Variants in IRF2 observed in about 807,000 individuals in gnomAD.
IRF2 encodes the protein interferon regulatory factor 2.
A neutral mutation model predicts 40.6 loss-of-function variants in IRF2; 15 were observed. That is an observed-to-expected ratio of 0.37 (90% confidence interval 0.25 to 0.57). The LOEUF (loss-of-function observed/expected upper bound fraction) is 0.57. Among genes scored for constraint, IRF2 ranks in the 20% least tolerant of loss-of-function variants. The pLI, the probability that IRF2 is intolerant of heterozygous loss-of-function variation, is 0.77. For synonymous variants in IRF2, 151 were observed against 165.5 expected (o/e 0.91, Z 0.67); for missense variants, 317 against 455.7 (o/e 0.70, Z 2.77).
At chr4:184,404,667 C>A (rs2149895110) in intron 6 of IRF2, among the ~76,000 whole-genome samples, 1 of 152,332 alleles carries the variant, frequency 6.6e-6, no homozygotes, top group East Asian at 1.9e-4. Flanking sequence ...CTTTTGACTT[C>A]TAATCTCGTG....
chr4:184,428,314 A>G (rs1737744899), intron 2 of IRF2, among the ~76,000 whole-genome samples: 1 of 152,228 alleles, frequency 6.6e-6, no homozygotes, highest in South Asian at 2.1e-4. Flanking sequence ...TGGAGTTTCC[A>G]TGTCCTCTAG....
chr4:184,460,613 A>T (rs960245482), intron 1 of IRF2, among the ~76,000 whole-genome samples: 16 of 151,936 alleles, frequency 1.1e-4, no homozygotes, highest in African/African-American at 3.1e-4. Context: ...AGTATTCACT[A>T]TAGCCAAACA....
At chr4:184,430,363 A>AGCCTTTTCCTTGTATGC (rs1378642835) in intron 1 of IRF2, among the ~76,000 whole-genome samples, 14 of 150,890 alleles carry the variant, frequency 9.3e-5, no homozygotes, top group Admixed American at 2.6e-4. Context: ...AGTCTGGCCC[A>AGCCTTTTCCTTGTATGC]CTGACTGCTG....
intron 5 of IRF2, 33 bp downstream of exon 5, chr4:184,418,134 C>T (rs759209733): frequency 1.9e-6 from 3 of 1,571,736 alleles, no homozygotes; most frequent in Middle Eastern, 1.7e-4. Context: ...AGGATCCCAA[C>T]TTTGGCTTTC....
rs1444669732 is a variant in IRF2 at position 184,428,962 on chromosome 4, A to C, written c.87+16T>G. The C allele has an allele frequency of 6.2e-7, 1 of 1,608,678 alleles. No individual in the cohort carries two copies. The highest frequency in any genetic ancestry group is 8.5e-7 in the Non-Finnish European group (1 of 1,175,248). ...CAGGACCTCTCTCACACATACACCC[A>C]CCCTGACCCACTCACCTTGTTAAGC... On this transcript the variant is annotated intron_variant, in intron 2 of 8. Coordinates refer to ENST00000393593, the MANE Select transcript of IRF2 (RefSeq NM_002199.4).
intron 8 of IRF2, 126 bp from the exon 9 acceptor site, chr4:184,389,192 G>T: frequency 1.1e-6 from 1 of 894,628 alleles, no homozygotes. Flanking sequence ...GGCTGAGGCT[G>T]GAGGATCACT....
chr4:184,388,735 A>T lies in IRF2; in HGVS notation c.*23T>A. 1 of 1,575,780 alleles carries T rather than the reference A, an allele frequency of 6.3e-7. No individual in the cohort carries two copies. The highest frequency in any genetic ancestry group is 1.2e-5 in the South Asian group (1 of 84,856). Reference sequence around the variant, plus strand: ...CAAAACAAAGCCAAGAAGCCCCAACAACCACCGCGGAGAGTCAGAGGCTTA... The same window carrying T: ...CAAAACAAAGCCAAGAAGCCCCAACTACCACCGCGGAGAGTCAGAGGCTTA... On this transcript the variant is annotated 3_prime_UTR_variant, in exon 9 of 9. Transcript: ENST00000393593. This position sits in a 1 kb window ranked among gnomAD's most constrained non-coding sequence, Gnocchi z 4.6.
chr4:184,473,708 A>T (rs1384049291), intron 1 of IRF2, among the ~76,000 whole-genome samples: 1 of 143,818 alleles, frequency 7.0e-6, no homozygotes, highest in Non-Finnish European at 1.5e-5. Context: ...CCCGGCAGGC[A>T]GGCGAGCCCC....
At chr4:184,456,484 G>C (rs1189114983) in intron 1 of IRF2, among the ~76,000 whole-genome samples, 1 of 152,226 alleles carries the variant, frequency 6.6e-6, no homozygotes, top group Non-Finnish European at 1.5e-5. Flanking sequence ...CCGCGGTGGA[G>C]AAACTGCTGG....
chr4:184,412,593 A>T (rs529094178), intron 5 of IRF2, among the ~76,000 whole-genome samples: 1 of 152,360 alleles, frequency 6.6e-6, no homozygotes, highest in African/African-American at 2.4e-5. Context: ...CTTCACAAGC[A>T]GGTCAGGGAA....
At chr4:184,431,303 G>A (rs932203963) in intron 1 of IRF2, among the ~76,000 whole-genome samples, 4 of 152,238 alleles carry the variant, frequency 2.6e-5, no homozygotes, top group African/African-American at 4.8e-5. Flanking sequence ...CAAAGGTCAT[G>A]TATTGAGAAT....
At position 184,418,178 on chromosome 4, in the gene IRF2, T is replaced by C; in HGVS notation, c.400A>G (p.Lys134Glu). The C allele has an allele frequency of 6.2e-7, 1 of 1,613,898 alleles. No individual in the cohort carries two copies. Among genetic ancestry groups the C allele is most frequent in the South Asian group, 1.1e-5 (1 of 91,070 alleles). ...TCACCCAAGATTACCTTGATGTGCT[T>C]AACTTTGTCTTCTTTTTCTGTCTTT... is the stretch of plus-strand genomic sequence containing the variant. ...KPKTEKEDKVKHIKQEPVESS... is the reference protein window; with the variant it reads ...KPKTEKEDKVEHIKQEPVESS... Residue 134 changes from lysine (K) to glutamate (E), a missense_variant, in exon 5 of 9, where the codon AAG becomes GAG. Physicochemically the swap from Lys to Glu is moderately conservative, Grantham distance 56. This residue lies in a region of IRF2 where 262 missense variants were observed against 334.0 expected (regional missense o/e 0.78). Transcript: ENST00000393593.
intron 1 of IRF2, among the ~76,000 whole-genome samples, chr4:184,438,593 G>A (rs1368167680): frequency 6.6e-6 from 1 of 152,188 alleles, no homozygotes; most frequent in Non-Finnish European, 1.5e-5. Flanking sequence ...GCAGAGAGAG[G>A]GAGGGGGCAC....
intron 2 of IRF2, among the ~76,000 whole-genome samples, chr4:184,420,436 T>A (rs376186440): frequency 2.2e-4 from 33 of 152,218 alleles, no homozygotes; most frequent in African/African-American, 7.5e-4. Context: ...GTGGGTCTAC[T>A]GCCTGCAAGA....
intron 1 of IRF2, among the ~76,000 whole-genome samples, chr4:184,470,245 C>A (rs756349578): frequency 4.6e-5 from 7 of 152,106 alleles, no homozygotes; most frequent in African/African-American, 1.7e-4. Context: ...GACATTTCAC[C>A]GCAGTTTCGT....
chr4:184,429,546 CA>C (rs1455051123), intron 1 of IRF2, among the ~76,000 whole-genome samples: 1 of 152,150 alleles, frequency 6.6e-6, no homozygotes, highest in Non-Finnish European at 1.5e-5. Flanking sequence ...TTTCAACCCC[CA>C]ATATTAACAT....
chr4:184,415,227 C>T (rs1374819016), intron 5 of IRF2, among the ~76,000 whole-genome samples: 2 of 152,234 alleles, frequency 1.3e-5, no homozygotes, highest in Admixed American at 6.5e-5. Flanking sequence ...TAATGAATCA[C>T]CTGCCTTCCG....
intron 2 of IRF2, among the ~76,000 whole-genome samples, chr4:184,424,056 A>G (rs4862369): frequency 0.41 from 54,116 of 131,026 alleles, 11,662 homozygotes; most frequent in Non-Finnish European, 0.54. Flanking sequence ...TACCAGATAC[A>G]CACAGATACA....
chr4:184,445,204 T>C (rs531888953), intron 1 of IRF2, among the ~76,000 whole-genome samples: 1 of 152,236 alleles, frequency 6.6e-6, no homozygotes, highest in African/African-American at 2.4e-5. Flanking sequence ...GGCGGGGGTG[T>C]GCCCCAACCC....
Sources: gnomAD v4.1 joint callset for allele counts (sites outside exome capture counted in the v4.1 genomes callset) on GRCh38, gnomAD v4.1.1 for gene constraint, gnomAD v4.1.1 regional missense constraint, Gnocchi (gnomAD v3.1) non-coding constraint, MANE v1.5 for transcripts, NCBI Gene and HGNC (gene_info 2026-07-23, HGNC 2026-07-21) for gene names.